NLRP12: variants seen among roughly 807,000 people sequenced by gnomAD.
The protein encoded by NLRP12 is NACHT, LRR and PYD domains-containing protein 12.
Under a neutral mutation model 91.2 loss-of-function variants are expected in NLRP12, and 108 were observed. The ratio of observed to expected loss-of-function variants is 1.18; its 90% CI spans 1.01 to 1.39. The LOEUF (loss-of-function observed/expected upper bound fraction) is 1.39, where lower values mean the gene tolerates loss of function less well. Among genes scored for constraint, NLRP12 ranks in the 40% most tolerant of loss-of-function variants. The probability of loss-of-function intolerance (pLI) is 0.00; values close to 1 mark genes in which losing one functional copy is unlikely to be tolerated. For synonymous variants in NLRP12, 613 were observed against 566.7 expected (o/e 1.08, Z -1.16); for missense variants, 1,530 against 1,352.7 (o/e 1.13, Z -2.06).
At position 53,795,856 on chromosome 19, in the gene NLRP12, C is replaced by T. The variant is rs752538727; in HGVS notation, c.3098+3G>A. 3 of 1,614,020 alleles carry T rather than the reference C, an allele frequency of 1.9e-6. No individual in the cohort carries two copies. Among genetic ancestry groups the T allele is most frequent in the East Asian group, 2.2e-5 (1 of 44,872 alleles). Reference sequence around the variant, plus strand: ...CCAGAAAGAACTGGTCATCATCCCTCACCAGAGGACTCGGAGTTTGCAGCC... The same window carrying T: ...CCAGAAAGAACTGGTCATCATCCCTTACCAGAGGACTCGGAGTTTGCAGCC... On this transcript the variant is annotated splice_donor_region_variant and intron_variant, in intron 9 of 9. Coordinates refer to ENST00000324134, the MANE Select transcript of NLRP12 (RefSeq NM_144687.4).
intron 1 of NLRP12, among the ~76,000 whole-genome samples, chr19:53,823,104 T>TAC (rs1555799765): frequency 1.4e-5 from 2 of 141,146 alleles, no homozygotes; most frequent in Admixed American, 1.5e-4. Flanking sequence ...CACACACATA[T>TAC]ACACACACAT....
chr19:53,809,690 A>C lies in NLRP12; in HGVS notation c.1969T>G (p.Cys657Gly). The change falls in exon 3 of 10, where the codon TGC becomes GGC. Residue 657 changes from cysteine to glycine, a missense_variant. Coordinates refer to ENST00000324134, the MANE Select transcript of NLRP12 (RefSeq NM_144687.4). ...HMVSSFCLKR[C>G]RSAQVLHLYG... The stretch of plus-strand genomic sequence containing the variant: ...AAGTGCAGCACCTGGGCGCTCCTGC[A>C]GCGCTTCAGACAGAACGAGGAGACC... The C allele has an allele frequency of 6.2e-7, 1 of 1,614,110 alleles. No homozygotes were observed. Among genetic ancestry groups the C allele is most frequent in the African/African-American group, 1.3e-5 (1 of 75,050 alleles).
Position 53,824,177 on chromosome 19 carries a change from G to A in NLRP12, c.-3C>T, listed in dbSNP as rs755089068. The A allele has an allele frequency of 3.1e-6, 5 of 1,613,714 alleles. No individual in the cohort carries two copies. The highest frequency in any genetic ancestry group is 2.2e-5 in the East Asian group (1 of 44,898). On this transcript the variant is annotated 5_prime_UTR_variant, in exon 1 of 10. Transcript: ENST00000324134. Reference sequence around the variant, plus strand: ...TCCCTGCCTGCGGTTCGTAGCATGGGGGTGCCGTGAGCCCCAAAGGAGAGG... The same window carrying A: ...TCCCTGCCTGCGGTTCGTAGCATGGAGGTGCCGTGAGCCCCAAAGGAGAGG...
At chr19:53,817,678 G>A (rs894367627) in intron 1 of NLRP12, among the ~76,000 whole-genome samples, 1 of 152,118 alleles carries the variant, frequency 6.6e-6, no homozygotes, top group Admixed American at 6.5e-5. Flanking sequence ...AGAGGTTGCA[G>A]TGAGCCGAGA....
intron 3 of NLRP12, 161 bp from the exon 4 acceptor site, chr19:53,807,826 C>T: frequency 3.9e-6 from 3 of 765,594 alleles, no homozygotes; most frequent in East Asian, 5.9e-5. Context: ...TCTCAGCTCA[C>T]CACAACCTCC....
rs111754022 is a variant in NLRP12, at chr19:53,811,043, G to T, written c.616C>A (p.Arg206Ser). The T allele has an allele frequency of 3.7e-6, 6 of 1,612,458 alleles. No homozygotes were observed. Among genetic ancestry groups the T allele is most frequent in the Non-Finnish European group, 4.2e-6 (5 of 1,178,782 alleles). The change falls in exon 3 of 10, where the codon CGC becomes AGC. Residue 206 changes from arginine (R) to serine (S), a missense_variant. Coordinates refer to ENST00000324134, the MANE Select transcript of NLRP12 (RefSeq NM_144687.4). ...IETLFEPDEERPEPPRTVVMQ... is the reference protein window; with the variant it reads ...IETLFEPDEESPEPPRTVVMQ... ...ACCACGGTGCGCGGTGGCTCGGGGC[G>T]CTCCTCGTCTGGCTCAAAGAGGGTC...
At chr19:53,794,427 C>A (rs1167185627) in intron 9 of NLRP12, among the ~76,000 whole-genome samples, 3 of 150,966 alleles carry the variant, frequency 2.0e-5, no homozygotes, top group Non-Finnish European at 4.4e-5. Context: ...TCAAGCGATT[C>A]TCCTGCCTCA....
intron 5 of NLRP12, among the ~76,000 whole-genome samples, chr19:53,805,038 A>C (rs2091935416): frequency 6.6e-6 from 1 of 152,072 alleles, no homozygotes. Context: ...TCGGGAGAAA[A>C]AAAGAAGAGG....
At chr19:53,819,499 A>G (rs1283462675) in intron 1 of NLRP12, among the ~76,000 whole-genome samples, 4 of 127,832 alleles carry the variant, frequency 3.1e-5, no homozygotes, top group African/African-American at 6.1e-5. Context: ...ACATATGTGT[A>G]TATATATGTA....
At position 53,804,393 on chromosome 19, in the gene NLRP12, G is replaced by GTTT. The variant is rs923117109; in HGVS notation, c.2415-274_2415-272dup. On this transcript the variant is annotated intron_variant, in intron 5 of 9. Transcript: ENST00000324134. ...TTTGTTTGTTTTTTGTTTTTTTTGG[G>GTTT]TTTTTTTGTTTTTTTTTTTTTTTGA... Among the ~76,000 whole-genome samples the GTTT allele has an allele frequency of 8.7e-5, 10 of 114,800 alleles. 2 individuals are homozygous for GTTT. Among genetic ancestry groups the GTTT allele is most frequent in the Non-Finnish European group, 7.2e-5 (4 of 55,266 alleles). The allele number at this position is 114,800 out of a possible 152,430, so 75.3% of individuals were successfully genotyped here.
rs939666093 is a variant in NLRP12, at chr19:53,795,128, G to C, written c.3098+731C>G. On this transcript the variant is annotated intron_variant, in intron 9 of 9. Transcript: ENST00000324134. ...TGTGCGTGTGTGTGTGTGTGTGTGT[G>C]TGTGTGTGTAAAGAAAGCAATTTTC... Among the ~76,000 whole-genome samples the C allele has an allele frequency of 2.9e-5, 4 of 135,752 alleles. No homozygotes were observed. In the East Asian group the frequency reaches 8.1e-4, roughly 27 times the overall value. The allele number at this position is 135,752 out of a possible 152,430, so 89.1% of individuals were successfully genotyped here.
chr19:53,810,515 C>T lies in NLRP12; in HGVS notation c.1144G>A (p.Glu382Lys), dbSNP rs2122671106. The T allele has an allele frequency of 6.2e-7, 1 of 1,614,170 alleles. No homozygotes were observed. The highest frequency in any genetic ancestry group is 8.5e-7 in the Non-Finnish European group (1 of 1,180,030). The stretch of plus-strand genomic sequence containing the variant: ...TAATTGAAGACTTGGCCCGCCTGCT[C>T]TGCATTGTGGAAATACTTGTAGAAG... ...EYFYKYFHNA[E>K]QAGQVFNYVR... Residue 382 changes from glutamate (E) to lysine (K), a missense_variant, in exon 3 of 10, where the codon GAG (glutamate) becomes AAG (lysine). Coordinates refer to ENST00000324134, the MANE Select transcript of NLRP12 (RefSeq NM_144687.4).
At chr19:53,811,526 T>C (rs1447391861) in intron 2 of NLRP12, among the ~76,000 whole-genome samples, 2 of 151,744 alleles carry the variant, frequency 1.3e-5, no homozygotes, top group African/African-American at 4.8e-5. Context: ...AAAAAAATTT[T>C]TTTTAATTAA....
In NLRP12 at chr19:53,819,593, A is replaced by ATATATGTATG. The variant is rs1568696325; in HGVS notation, c.289+4292_289+4293insCATACATATA. ...TATGCGTATATATGTATGTATACGT[A>ATATATGTATG]TATACGCATATATATGTATGTATAC... On this transcript the variant is annotated intron_variant, in intron 1 of 9. Transcript: ENST00000324134. Among the ~76,000 whole-genome samples, 73 of 75,996 alleles carry ATATATGTATG rather than the reference A, an allele frequency of 9.6e-4. 7 individuals carry two copies. The highest frequency in any genetic ancestry group is 2.7e-3 in the African/African-American group (63 of 23,398). The allele number at this position is 75,996 out of a possible 152,430, so 49.9% of individuals were successfully genotyped here.
At chr19:53,801,970 G>A (rs1286491516) in intron 6 of NLRP12, among the ~76,000 whole-genome samples, 1 of 152,054 alleles carries the variant, frequency 6.6e-6, no homozygotes, top group African/African-American at 2.4e-5. Context: ...GCTCATGCCT[G>A]TAATCTCAGC....
chr19:53,813,187 G>A (rs921192861), intron 2 of NLRP12, among the ~76,000 whole-genome samples: 1 of 149,390 alleles, frequency 6.7e-6, no homozygotes, highest in Non-Finnish European at 1.5e-5. Context: ...GGCCGCCAAT[G>A]TCTATTTCCA....
At chr19:53,812,883 T>C (rs1052136590) in intron 2 of NLRP12, among the ~76,000 whole-genome samples, 8 of 115,428 alleles carry the variant, frequency 6.9e-5, no homozygotes, top group African/African-American at 3.0e-4. Flanking sequence ...CAATATCTCT[T>C]TTTTTTTTTT....
At chr19:53,803,750 C>A (rs750627038) in intron 6 of NLRP12, 2 of 564,428 alleles carry the variant, frequency 3.5e-6, no homozygotes, top group South Asian at 1.7e-5. Context: ...ATTTTTGTAT[C>A]TTTAGTAGAG....
At chr19:53,799,605 T>C (rs1230048448) in intron 7 of NLRP12, among the ~76,000 whole-genome samples, 2 of 151,966 alleles carry the variant, frequency 1.3e-5, no homozygotes, top group South Asian at 2.1e-4. Context: ...TGCCTCAGCC[T>C]CCTGAGTACC....
Sources: allele counts gnomAD v4.1 joint callset (sites outside exome capture counted in the v4.1 genomes callset), GRCh38; gene constraint gnomAD v4.1.1; transcripts MANE v1.5; gene names NCBI Gene and HGNC (gene_info 2026-07-23, HGNC 2026-07-21).